Variants in NDUFAF2 observed in about 807,000 individuals in gnomAD.
NDUFAF2 encodes the protein NADH dehydrogenase [ubiquinone] 1 alpha subcomplex assembly factor 2.
NDUFAF2 carries 13 observed loss-of-function variants against 22.8 expected under a neutral mutation model. That is an observed-to-expected ratio of 0.57 (90% CI 0.37 to 0.91). NDUFAF2 has a LOEUF of 0.91. NDUFAF2 is among the 40% of genes least tolerant of loss of function. The probability of loss-of-function intolerance (pLI) is 0.01; values close to 1 mark genes in which losing one functional copy is unlikely to be tolerated. For synonymous variants in NDUFAF2, 53 were observed against 64.2 expected, an observed-to-expected ratio of 0.83 and a Z score of 0.84; for missense variants, 162 against 195.2, an observed-to-expected ratio of 0.83 and a Z score of 1.01.
chr5:61,065,758 G>A (rs932624073), intron 1 of NDUFAF2, among the ~76,000 whole-genome samples: 14 of 152,054 alleles, frequency 9.2e-5, no homozygotes, highest in South Asian at 6.2e-4. Flanking sequence ...GGGAAAAACT[G>A]AAAACGTTTC....
At chr5:61,078,625 C>G (rs1339213296) in intron 2 of NDUFAF2, among the ~76,000 whole-genome samples, 1 of 152,024 alleles carries the variant, frequency 6.6e-6, no homozygotes. Context: ...CTGGTATTCC[C>G]AGCTATTCAG....
chr5:60,948,324 A>G (rs1750492802), intron 1 of NDUFAF2, among the ~76,000 whole-genome samples: 1 of 152,070 alleles, frequency 6.6e-6, no homozygotes, highest in African/African-American at 2.4e-5. Context: ...GGTTCAAGTG[A>G]TTCTCCTGCG....
chr5:61,130,125 C>T (rs539321423), intron 3 of NDUFAF2, among the ~76,000 whole-genome samples: 1 of 152,194 alleles, frequency 6.6e-6, no homozygotes, highest in East Asian at 1.9e-4. Flanking sequence ...TTTTACCTAG[C>T]AAATGGTAAG....
intron 1 of NDUFAF2, among the ~76,000 whole-genome samples, chr5:60,974,201 C>CAGACTTGCTG (rs1750871168): frequency 1.3e-5 from 2 of 152,190 alleles, no homozygotes; most frequent in African/African-American, 4.8e-5. Flanking sequence ...GTGGAATGAG[C>CAGACTTGCTG]AGACTTGCTG....
chr5:61,030,553 T>A (rs1057312529), intron 1 of NDUFAF2, among the ~76,000 whole-genome samples: 2 of 152,148 alleles, frequency 1.3e-5, no homozygotes, highest in African/African-American at 4.8e-5. Context: ...TTAATTTAGG[T>A]CTTTTATATA....
At chr5:61,028,874 A>T (rs1297125042) in intron 1 of NDUFAF2, among the ~76,000 whole-genome samples, 1 of 151,968 alleles carries the variant, frequency 6.6e-6, no homozygotes, top group Non-Finnish European at 1.5e-5. Flanking sequence ...TTTGTTTTAT[A>T]TTTTGTGTAT....
chr5:61,018,607 G>A (rs987211285), intron 1 of NDUFAF2, among the ~76,000 whole-genome samples: 2 of 152,048 alleles, frequency 1.3e-5, no homozygotes, highest in East Asian at 1.9e-4. Flanking sequence ...GCAATAAAAT[G>A]TATTTTTATT....
chr5:61,141,877 C>T (rs1741065063), intron 3 of NDUFAF2, among the ~76,000 whole-genome samples: 1 of 152,118 alleles, frequency 6.6e-6, no homozygotes, highest in South Asian at 2.1e-4. Flanking sequence ...CTCTCTCATC[C>T]TAGGCCAGAA....
intron 1 of NDUFAF2, among the ~76,000 whole-genome samples, chr5:60,951,181 C>G (rs1750540998): frequency 6.6e-6 from 1 of 152,072 alleles, no homozygotes; most frequent in Admixed American, 6.6e-5. Context: ...AGGTGCCCAC[C>G]ACCATGCCCA....
intron 2 of NDUFAF2, among the ~76,000 whole-genome samples, chr5:61,090,457 TA>T (rs997854247): frequency 3.0e-4 from 46 of 152,112 alleles, no homozygotes; most frequent in African/African-American, 9.6e-4. Context: ...TTGCAACCAT[TA>T]AAAAAATGTA....
chr5:61,061,637 G>A (rs953909435), intron 1 of NDUFAF2, among the ~76,000 whole-genome samples: 1 of 152,118 alleles, frequency 6.6e-6, no homozygotes, highest in African/African-American at 2.4e-5. Context: ...GCATTCACTT[G>A]TACCTTTGAG....
intron 1 of NDUFAF2, among the ~76,000 whole-genome samples, chr5:61,040,272 ACACACACACACACACG>A (rs1178511914): frequency 4.2e-5 from 5 of 119,856 alleles, no homozygotes; most frequent in African/African-American, 1.9e-4. Flanking sequence ...ACACACACAC[ACACACACACACACACG>A]CGCGCGCGCG....
At chr5:61,006,586 C>T (rs1456154545) in intron 1 of NDUFAF2, among the ~76,000 whole-genome samples, 3 of 152,142 alleles carry the variant, frequency 2.0e-5, no homozygotes, top group African/African-American at 7.2e-5. Context: ...ATGGAATGTT[C>T]TTCCATTTGT....
At chr5:61,038,450 A>G (rs1392966268) in intron 1 of NDUFAF2, among the ~76,000 whole-genome samples, 1 of 152,146 alleles carries the variant, frequency 6.6e-6, no homozygotes, top group African/African-American at 2.4e-5. Context: ...CTCAAACTGT[A>G]CTCATTGGTC....
intron 3 of NDUFAF2, among the ~76,000 whole-genome samples, chr5:61,126,741 G>A (rs935411701): frequency 1.3e-5 from 2 of 151,836 alleles, no homozygotes; most frequent in African/African-American, 4.8e-5. Context: ...ACATTCCATG[G>A]ATTCACCTAA....
intron 1 of NDUFAF2, among the ~76,000 whole-genome samples, chr5:61,037,370 AGT>A (rs1751812995): frequency 6.6e-6 from 1 of 152,234 alleles, no homozygotes; most frequent in South Asian, 2.1e-4. Context: ...AAGTACAATG[AGT>A]GTAGACTCTA....
At chr5:61,076,083 G>A (rs1010303872) in intron 2 of NDUFAF2, among the ~76,000 whole-genome samples, 4 of 151,924 alleles carry the variant, frequency 2.6e-5, no homozygotes, top group African/African-American at 9.7e-5. Flanking sequence ...TTTTTTGTTT[G>A]TTTTTTAAGA....
At chr5:61,130,655 G>A (rs2111812548) in intron 3 of NDUFAF2, among the ~76,000 whole-genome samples, 1 of 152,202 alleles carries the variant, frequency 6.6e-6, no homozygotes, top group African/African-American at 2.4e-5. Context: ...ATAGTGAAGG[G>A]TTTGTTTGAT....
At chr5:61,100,128 G>A (rs74761675) in intron 3 of NDUFAF2, among the ~76,000 whole-genome samples, 10 of 134,152 alleles carry the variant, frequency 7.5e-5, no homozygotes, top group Admixed American at 2.3e-4. Flanking sequence ...GTTTTGGGGG[G>A]AAAAAATAAA....
Sources: gnomAD v4.1 joint callset for allele counts (sites outside exome capture counted in the v4.1 genomes callset) on GRCh38, gnomAD v4.1.1 for gene constraint, MANE v1.5 for transcripts, NCBI Gene and HGNC (gene_info 2026-07-23, HGNC 2026-07-21) for gene names.